LINGO1: variants seen among roughly 807,000 people sequenced by gnomAD.
The protein encoded by LINGO1 is leucine rich repeat and Ig domain containing 1.
A neutral mutation model predicts 37.3 loss-of-function variants in LINGO1; 11 were observed. That is an observed-to-expected ratio of 0.29 (90% CI 0.19 to 0.49). LINGO1 has a LOEUF of 0.49. Among genes scored for constraint, LINGO1 ranks in the 20% least tolerant of loss-of-function variants. The pLI, the probability that LINGO1 is intolerant of heterozygous loss-of-function variation, is 0.99. For missense variants in LINGO1, 585 were observed against 878.2 expected (o/e 0.67, Z 4.22); for synonymous variants, 387 against 403.0 (o/e 0.96, Z 0.48).
chr15:77,798,910 C>T (rs2076894831), intron 1 of LINGO1, among the ~76,000 whole-genome samples: 1 of 151,546 alleles, frequency 6.6e-6, no homozygotes, highest in Non-Finnish European at 1.5e-5. Context: ...GCACCCGGTA[C>T]ACACTCAGCA....
intron 1 of LINGO1, among the ~76,000 whole-genome samples, chr15:77,816,330 C>G (rs1288178567): frequency 1.3e-5 from 2 of 152,148 alleles, no homozygotes; most frequent in African/African-American, 4.8e-5. Flanking sequence ...GAGTAACAGC[C>G]AAGGTGTGGT....
At chr15:77,763,724 A>G (rs567521753) in intron 1 of LINGO1, among the ~76,000 whole-genome samples, 16 of 152,230 alleles carry the variant, frequency 1.1e-4, no homozygotes, top group Non-Finnish European at 1.9e-4. Context: ...CTTTCTATCC[A>G]GGAGGAGACA....
intron 3 of LINGO1, among the ~76,000 whole-genome samples, chr15:77,671,330 A>G (rs2043816918): frequency 6.8e-6 from 1 of 147,986 alleles, no homozygotes; most frequent in African/African-American, 2.5e-5. Flanking sequence ...AAGGAGAGGG[A>G]TAGGGAGGAG....
chr15:77,645,514 A>C (rs1053586483), intron 3 of LINGO1, among the ~76,000 whole-genome samples: 1 of 152,250 alleles, frequency 6.6e-6, no homozygotes, highest in Admixed American at 6.5e-5. Context: ...TGCACGCCTC[A>C]TGGCTAAAGA....
intron 1 of LINGO1, among the ~76,000 whole-genome samples, chr15:77,747,626 C>T (rs1248231571): frequency 6.6e-6 from 1 of 152,136 alleles, no homozygotes; most frequent in South Asian, 2.1e-4. Flanking sequence ...CACTGACCTG[C>T]CTGCAAGACA....
intron 1 of LINGO1, among the ~76,000 whole-genome samples, chr15:77,767,319 GA>G (rs1265566403): frequency 1.3e-5 from 2 of 152,036 alleles, no homozygotes; most frequent in African/African-American, 2.4e-5. Flanking sequence ...AATTCTGGGG[GA>G]AAAAAGATCT....
In LINGO1 at chr15:77,650,354, G is replaced by C. The variant is rs530625612; in HGVS notation, c.-13+26735C>G. ...TACATATTATGTGTCGAAAGGAGTG[G>C]GGAGGCTTAAATGGCTCCCAGGTGG... On this transcript the variant is annotated intron_variant, in intron 3 of 3. Transcript: ENST00000559893. Among the ~76,000 whole-genome samples, 5 of 152,326 alleles carry C rather than the reference G, an allele frequency of 3.3e-5. No individual in the cohort carries two copies. The East Asian group carries it at 5.8e-4, about 18-fold the overall frequency.
In LINGO1 at chr15:77,622,474, A is replaced by G. The variant is rs187244763; in HGVS notation, c.7-6574T>C. Among the ~76,000 whole-genome samples, 17 of 152,268 alleles carry G rather than the reference A, an allele frequency of 1.1e-4. No individual in the cohort carries two copies. The East Asian group carries it at 2.7e-3, about 24-fold the overall frequency. ...CCACCAGGTGAGTCTGAGCACTTGC[A>G]TATCTAGCTGGGGAGGGAGACTCAG... On this transcript the variant is annotated intron_variant, in intron 1 of 1. Coordinates refer to ENST00000355300, the MANE Select transcript of LINGO1 (RefSeq NM_032808.7).
At chr15:77,644,349 A>G (rs904013973) in intron 3 of LINGO1, among the ~76,000 whole-genome samples, 2 of 151,860 alleles carry the variant, frequency 1.3e-5, no homozygotes, top group Non-Finnish European at 2.9e-5. Context: ...CTCTCTCTCT[A>G]TCCCTTCTCT....
intron 2 of LINGO1, among the ~76,000 whole-genome samples, chr15:77,725,575 T>C (rs948173626): frequency 6.6e-5 from 10 of 152,000 alleles, no homozygotes; most frequent in African/African-American, 2.4e-4. Context: ...AATAAATAAA[T>C]AAATAAATAA....
At chr15:77,778,667 G>A (rs1395994822) in intron 1 of LINGO1, among the ~76,000 whole-genome samples, 2 of 152,146 alleles carry the variant, frequency 1.3e-5, no homozygotes, top group African/African-American at 4.8e-5. Flanking sequence ...AATCTATCCA[G>A]AATCAACCAC....
chr15:77,649,754 C>T (rs1000269998), intron 3 of LINGO1, among the ~76,000 whole-genome samples: 4 of 152,128 alleles, frequency 2.6e-5, no homozygotes, highest in Non-Finnish European at 5.9e-5. Context: ...CTTGCTGAGG[C>T]TGGACTCCCA....
intron 3 of LINGO1, chr15:77,647,770 C>G (rs1417533528): frequency 2.3e-6 from 1 of 439,432 alleles, no homozygotes; most frequent in Non-Finnish European, 4.6e-6. Flanking sequence ...GCCCTTCCCT[C>G]TCACCCCTCT....
Position 77,615,252 on chromosome 15 carries a change from C to G in LINGO1, c.655G>C (p.Val219Leu). 1 of 1,613,658 alleles carries G rather than the reference C, an allele frequency of 6.2e-7. No homozygotes were observed. The highest frequency in any genetic ancestry group is 8.5e-7 in the Non-Finnish European group (1 of 1,179,832). ...ATGTTGAGGTGCCGGAGCCTCAGGA[C>G]GATGAGGCCGTGCAGGTGGGACAGC... ...EALSHLHGLIVLRLRHLNINA... is the reference protein window; with the variant it reads ...EALSHLHGLILLRLRHLNINA... The change falls in exon 2 of 2, where the codon GTC becomes CTC. Residue 219 changes from valine (V) to leucine (L), a missense_variant. Val to Leu is a conservative substitution (Grantham distance 32). Coordinates refer to ENST00000355300, the MANE Select transcript of LINGO1 (RefSeq NM_032808.7).
chr15:77,657,154 C>G (rs2074883426), intron 3 of LINGO1, among the ~76,000 whole-genome samples: 1 of 152,168 alleles, frequency 6.6e-6, no homozygotes, highest in East Asian at 1.9e-4. Flanking sequence ...AGCTGAGGAG[C>G]AAATCTTCTA....
At chr15:77,748,943 T>TGTCTCCCA (rs2076343989) in intron 1 of LINGO1, among the ~76,000 whole-genome samples, 1 of 142,752 alleles carries the variant, frequency 7.0e-6, no homozygotes, top group African/African-American at 2.6e-5. Context: ...AGTCTCGCTC[T>TGTCTCCCA]GTCTCCCAGG....
At chr15:77,688,934 G>A (rs939411060) in intron 2 of LINGO1, among the ~76,000 whole-genome samples, 1 of 152,222 alleles carries the variant, frequency 6.6e-6, no homozygotes, top group African/African-American at 2.4e-5. Flanking sequence ...GACTAGCAGA[G>A]TATGAATGAG....
chr15:77,812,595 T>C (rs769233016), intron 1 of LINGO1, among the ~76,000 whole-genome samples: 21 of 152,346 alleles, frequency 1.4e-4, no homozygotes, highest in South Asian at 1.0e-3. Flanking sequence ...CGTCTCTTTC[T>C]CTGCCTCCTG....
intron 1 of LINGO1, among the ~76,000 whole-genome samples, chr15:77,619,774 C>G (rs2073862350): frequency 6.6e-6 from 1 of 151,934 alleles, no homozygotes; most frequent in Non-Finnish European, 1.5e-5. Context: ...AAAGCTGGGT[C>G]AGCCTTGCCC....
Sources: gnomAD v4.1 joint callset for allele counts (sites outside exome capture counted in the v4.1 genomes callset) on GRCh38, gnomAD v4.1.1 for gene constraint, MANE v1.5 for transcripts, NCBI Gene and HGNC (gene_info 2026-07-23, HGNC 2026-07-21) for gene names.